Variants in MARCHF1 observed in about 807,000 individuals in gnomAD.
The protein encoded by MARCHF1 is membrane associated ring-CH-type finger 1, also known as E3 ubiquitin-protein ligase MARCHF1.
MARCHF1 carries 40 observed loss-of-function variants against 54.2 expected under a neutral mutation model. The ratio of observed to expected loss-of-function variants is 0.74; its 90% CI spans 0.57 to 0.96. The LOEUF (loss-of-function observed/expected upper bound fraction) is 0.96. Ranked by LOEUF, MARCHF1 falls within the 40% of genes least tolerant of loss-of-function variation. The probability of loss-of-function intolerance (pLI) is 0.00; values close to 1 mark genes in which losing one functional copy is unlikely to be tolerated. For missense variants in MARCHF1, 586 were observed against 656.5 expected (o/e 0.89, Z 1.17); for synonymous variants, 236 against 236.3 (o/e 1.00, Z 0.01).
chr4:164,222,682 T>A (rs552949474), intron 1 of MARCHF1, among the ~76,000 whole-genome samples: 1 of 151,966 alleles, frequency 6.6e-6, no homozygotes, highest in African/African-American at 2.4e-5. Flanking sequence ...TTATAACAAA[T>A]GTCTAAGACT....
chr4:163,842,505 T>C (rs891892671), intron 4 of MARCHF1, among the ~76,000 whole-genome samples: 4 of 152,106 alleles, frequency 2.6e-5, no homozygotes, highest in African/African-American at 9.7e-5. Context: ...TTTTTTGCAG[T>C]ATAGAAGAGT....
At chr4:164,014,459 A>G (rs1753494518) in intron 2 of MARCHF1, among the ~76,000 whole-genome samples, 2 of 152,176 alleles carry the variant, frequency 1.3e-5, no homozygotes, top group African/African-American at 2.4e-5. Context: ...ACACTTTTAC[A>G]TAAAAGAAGA....
chr4:164,352,057 G>C (rs2110888581), intron 1 of MARCHF1, among the ~76,000 whole-genome samples: 1 of 127,026 alleles, frequency 7.9e-6, no homozygotes, highest in South Asian at 2.5e-4. Flanking sequence ...GGGAAGTTTA[G>C]AGAAAAAAGA....
chr4:163,613,838 G>C (rs1178828589), intron 5 of MARCHF1, among the ~76,000 whole-genome samples: 1 of 151,982 alleles, frequency 6.6e-6, no homozygotes, highest in Non-Finnish European at 1.5e-5. Flanking sequence ...TAACATCAAG[G>C]CCCCATGAGA....
At chr4:163,656,358 A>G (rs1743141507) in intron 5 of MARCHF1, among the ~76,000 whole-genome samples, 1 of 152,118 alleles carries the variant, frequency 6.6e-6, no homozygotes, top group African/African-American at 2.4e-5. Context: ...TGAACCAGGA[A>G]GAAGTTGAAT....
chr4:164,216,561 A>T (rs575192623), intron 1 of MARCHF1, among the ~76,000 whole-genome samples: 7 of 152,362 alleles, frequency 4.6e-5, no homozygotes, highest in Admixed American at 2.0e-4. Flanking sequence ...CAAACAAAGA[A>T]ATAATTAAGT....
intron 1 of MARCHF1, among the ~76,000 whole-genome samples, chr4:164,169,245 G>C (rs1277165180): frequency 6.6e-6 from 1 of 152,038 alleles, no homozygotes; most frequent in Non-Finnish European, 1.5e-5. Flanking sequence ...ACATCAACCT[G>C]GGGATAGACT....
chr4:163,725,243 C>A (rs186020859), intron 4 of MARCHF1, among the ~76,000 whole-genome samples: 4 of 152,098 alleles, frequency 2.6e-5, no homozygotes, highest in African/African-American at 9.6e-5. Flanking sequence ...GTTCATATTT[C>A]AAGAATTACA....
intron 9 of MARCHF1, among the ~76,000 whole-genome samples, chr4:163,531,112 T>G (rs993266574): frequency 1.3e-5 from 2 of 151,738 alleles, no homozygotes; most frequent in Non-Finnish European, 2.9e-5. Context: ...ATAGAAGAGA[T>G]AATACTTCCT....
At chr4:164,138,000 T>G (rs570782615) in intron 1 of MARCHF1, among the ~76,000 whole-genome samples, 12 of 152,152 alleles carry the variant, frequency 7.9e-5, no homozygotes, top group African/African-American at 1.2e-4. Flanking sequence ...ACTCCTTGGC[T>G]CATAGGTTCT....
intron 2 of MARCHF1, among the ~76,000 whole-genome samples, chr4:164,088,116 G>T (rs908744029): frequency 6.6e-6 from 1 of 152,076 alleles, no homozygotes; most frequent in African/African-American, 2.4e-5. Flanking sequence ...ATTTGAAAAC[G>T]ACAATATAGT....
intron 1 of MARCHF1, among the ~76,000 whole-genome samples, chr4:164,334,609 T>C (rs1438922559): frequency 6.6e-6 from 1 of 152,156 alleles, no homozygotes; most frequent in African/African-American, 2.4e-5. Context: ...TACAAGGAGA[T>C]TGATGTTGTT....
intron 4 of MARCHF1, among the ~76,000 whole-genome samples, chr4:163,852,557 C>T (rs536655641): frequency 3.3e-5 from 5 of 152,190 alleles, no homozygotes; most frequent in South Asian, 2.1e-4. Flanking sequence ...TAGAGTGAGA[C>T]GAGATAATGC....
At chr4:164,362,545 A>G (rs1043994552) in intron 1 of MARCHF1, among the ~76,000 whole-genome samples, 14 of 152,116 alleles carry the variant, frequency 9.2e-5, no homozygotes, top group African/African-American at 3.4e-4. Flanking sequence ...TGGACTAGAA[A>G]CCAGCCACGT....
intron 1 of MARCHF1, among the ~76,000 whole-genome samples, chr4:164,280,222 T>C (rs564682141): frequency 1.3e-5 from 2 of 152,144 alleles, no homozygotes; most frequent in South Asian, 4.1e-4. Flanking sequence ...GTTCCTATTT[T>C]AGTAATAAGT....
intron 1 of MARCHF1, among the ~76,000 whole-genome samples, chr4:164,361,056 C>T (rs1730709266): frequency 6.6e-6 from 1 of 151,628 alleles, no homozygotes; most frequent in Non-Finnish European, 1.5e-5. Context: ...CATTATGGTA[C>T]AGTGCTGTGT....
At chr4:164,320,863 C>T (rs1187309967) in intron 1 of MARCHF1, among the ~76,000 whole-genome samples, 1 of 152,112 alleles carries the variant, frequency 6.6e-6, no homozygotes, top group East Asian at 1.9e-4. Flanking sequence ...ACCTCTGCTC[C>T]GCTGTTCCCA....
chr4:164,300,621 A>C (rs141458703), intron 1 of MARCHF1, among the ~76,000 whole-genome samples: 111 of 152,246 alleles, frequency 7.3e-4, no homozygotes, highest in African/African-American at 2.6e-3. Context: ...AGCTCACTGA[A>C]GCCGTGACCT....
chr4:164,155,200 T>G (rs6811319), intron 1 of MARCHF1, among the ~76,000 whole-genome samples: 29,012 of 152,078 alleles, frequency 0.19, 4,421 homozygotes, highest in African/African-American at 0.41. Flanking sequence ...CTTACTTGGG[T>G]CTGTGGGTAT....
Sources: allele counts gnomAD v4.1 joint callset (sites outside exome capture counted in the v4.1 genomes callset), GRCh38; gene constraint gnomAD v4.1.1; transcripts MANE v1.5; gene names NCBI Gene and HGNC (gene_info 2026-07-23, HGNC 2026-07-21).